SPON1: variants seen among roughly 807,000 people sequenced by gnomAD.
SPON1 encodes the protein spondin-1.
Under a neutral mutation model 111.7 loss-of-function variants are expected in SPON1, and 52 were observed. The observed-to-expected ratio is 0.47, with a 90% CI of 0.37 to 0.59. The LOEUF is 0.59. SPON1 is among the 20% of genes least tolerant of loss of function. The pLI, the probability that SPON1 is intolerant of heterozygous loss-of-function variation, is 0.00. For synonymous variants in SPON1, 410 were observed against 395.8 expected (o/e 1.04, Z -0.43); for missense variants, 957 against 1,068.5 (o/e 0.90, Z 1.46).
intron 5 of SPON1, among the ~76,000 whole-genome samples, chr11:14,123,207 A>G (rs1199124162): frequency 2.0e-5 from 3 of 152,122 alleles, no homozygotes; most frequent in Non-Finnish European, 4.4e-5. Context: ...TGCTGGGATT[A>G]CAGGCATGAG....
intron 7 of SPON1, among the ~76,000 whole-genome samples, chr11:14,251,954 A>G (rs1204324269): frequency 2.0e-5 from 3 of 152,240 alleles, no homozygotes; most frequent in Non-Finnish European, 4.4e-5. Context: ...TCATTGCAAT[A>G]CTTTAGCAGT....
At chr11:14,082,006 G>C (rs1476772420) in intron 5 of SPON1, among the ~76,000 whole-genome samples, 1 of 152,094 alleles carries the variant, frequency 6.6e-6, no homozygotes, top group Non-Finnish European at 1.5e-5. Context: ...TGGACTCTCT[G>C]CCTGGGGGAA....
At chr11:14,052,729 G>A (rs1415688741) in intron 3 of SPON1, among the ~76,000 whole-genome samples, 2 of 152,228 alleles carry the variant, frequency 1.3e-5, no homozygotes, top group Non-Finnish European at 2.9e-5. Context: ...TGGGAGCATG[G>A]CTCCAGGGGA....
chr11:14,265,598 A>G lies in SPON1; in HGVS notation c.2335A>G (p.Met779Val), dbSNP rs782757403. ...CGGAGGTGGAATTCAGGAACGTTAC[A>G]TGACTGTAAAGAAGAGATTCAAAAG... is the stretch of plus-strand genomic sequence containing the variant. ...LCGGGIQERYMTVKKRFKSSQ... is the reference protein window; with the variant it reads ...LCGGGIQERYVTVKKRFKSSQ... The change falls in exon 16 of 16, where the codon ATG (methionine) becomes GTG (valine). Residue 779 changes from methionine (M) to valine (V), a missense_variant. By Grantham distance (21) the Met-to-Val change is conservative. Transcript: ENST00000576479. 8 of 1,613,680 alleles carry G rather than the reference A, an allele frequency of 5.0e-6. No individual in the cohort carries two copies. The African/African-American group carries it at 1.1e-4, about 22-fold the overall frequency.
At chr11:14,157,360 G>T (rs983001060) in intron 6 of SPON1, among the ~76,000 whole-genome samples, 3 of 152,098 alleles carry the variant, frequency 2.0e-5, no homozygotes, top group African/African-American at 7.2e-5. Context: ...GGCATCACTT[G>T]TCTGTCTGTG....
chr11:14,069,739 G>C (rs781953237), intron 3 of SPON1, among the ~76,000 whole-genome samples: 1 of 151,944 alleles, frequency 6.6e-6, no homozygotes, highest in Non-Finnish European at 1.5e-5. Flanking sequence ...TCTCATTTCA[G>C]CTACTGGAAT....
intron 2 of SPON1, among the ~76,000 whole-genome samples, chr11:14,037,691 A>G (rs1428660928): frequency 1.3e-5 from 2 of 152,222 alleles, no homozygotes; most frequent in Non-Finnish European, 2.9e-5. Flanking sequence ...TTTTAAGTAC[A>G]ACACCAAAAG....
Position 14,171,238 on chromosome 11 carries a change from C to G in SPON1, c.825+35670C>G, listed in dbSNP as rs1485789840. Among the ~76,000 whole-genome samples, 25 of 152,058 alleles carry G rather than the reference C, an allele frequency of 1.6e-4. 1 individual carries two copies. The highest frequency in any genetic ancestry group is 7.4e-5 in the Non-Finnish European group (5 of 67,994). On this transcript the variant is annotated intron_variant, in intron 6 of 15. Transcript: ENST00000576479. ...TTAGTCTTGGGAGAGTGTATGTGTC[C>G]AGGAATTTATCCATTTCTTCTAGAT...
chr11:14,129,647 G>A (rs1420160616), intron 5 of SPON1, among the ~76,000 whole-genome samples: 1 of 152,130 alleles, frequency 6.6e-6, no homozygotes, highest in Non-Finnish European at 1.5e-5. Flanking sequence ...TGCTTCCAAA[G>A]TTGCTTCCAC....
rs1358394183 is a variant in SPON1, at chr11:14,138,766, T to C, written c.825+3198T>C. Among the ~76,000 whole-genome samples the C allele has an allele frequency of 2.0e-5, 3 of 152,226 alleles. No individual in the cohort carries two copies. In the East Asian group the frequency reaches 5.8e-4, roughly 29 times the overall value. On this transcript the variant is annotated intron_variant, in intron 6 of 15. Transcript: ENST00000576479. The stretch of plus-strand genomic sequence containing the variant: ...AGTAAGCCCATATTTCTGGCATGTT[T>C]ACTAAGTGTCTGGTTCTCTGCTGGA...
At chr11:13,996,267 A>G (rs1414548186) in intron 2 of SPON1, among the ~76,000 whole-genome samples, 1 of 152,184 alleles carries the variant, frequency 6.6e-6, no homozygotes, top group Admixed American at 6.5e-5. Flanking sequence ...CTGCAGAGCT[A>G]TAATGCACAA....
At chr11:14,003,499 T>C (rs549247838) in intron 2 of SPON1, among the ~76,000 whole-genome samples, 1 of 152,246 alleles carries the variant, frequency 6.6e-6, no homozygotes, top group East Asian at 1.9e-4. Context: ...GATACCTTTG[T>C]CAGTGTCTGG....
intron 5 of SPON1, among the ~76,000 whole-genome samples, chr11:14,083,432 C>T (rs1848980074): frequency 6.6e-6 from 1 of 152,104 alleles, no homozygotes; most frequent in Admixed American, 6.5e-5. Flanking sequence ...TGATCCTACA[C>T]CAGAACTCTG....
chr11:14,054,049 C>A (rs1437002494), intron 3 of SPON1, among the ~76,000 whole-genome samples: 1 of 152,164 alleles, frequency 6.6e-6, no homozygotes, highest in African/African-American at 2.4e-5. Flanking sequence ...CTGCTCACAA[C>A]AAAGAATACC....
At chr11:13,980,292 C>T (rs1464386544) in intron 1 of SPON1, among the ~76,000 whole-genome samples, 2 of 152,184 alleles carry the variant, frequency 1.3e-5, no homozygotes, top group African/African-American at 4.8e-5. Flanking sequence ...CCACCCACCT[C>T]GGCCTCCCAG....
chr11:14,103,040 T>C (rs1490785506), intron 5 of SPON1, among the ~76,000 whole-genome samples: 3 of 152,122 alleles, frequency 2.0e-5, no homozygotes, highest in African/African-American at 7.2e-5. Context: ...TGTGGTGATA[T>C]AAATGTTCTG....
At chr11:14,060,037 A>G (rs1252078907) in intron 3 of SPON1, among the ~76,000 whole-genome samples, 2 of 152,164 alleles carry the variant, frequency 1.3e-5, no homozygotes, top group Non-Finnish European at 2.9e-5. Flanking sequence ...GAGCAAAGGC[A>G]TAGGAAGTAC....
chr11:14,173,045 G>A (rs1340127150), intron 6 of SPON1, among the ~76,000 whole-genome samples: 63 of 151,970 alleles, frequency 4.1e-4, no homozygotes, highest in African/African-American at 5.8e-4. Flanking sequence ...GGCCTGCCTC[G>A]CTAGATTGGG....
intron 5 of SPON1, among the ~76,000 whole-genome samples, chr11:14,092,756 T>A (rs1014622734): frequency 5.3e-5 from 8 of 152,162 alleles, no homozygotes; most frequent in Admixed American, 2.6e-4. Context: ...ACTTCTAATC[T>A]AGTAGTTCTA....
Sources: gnomAD v4.1 joint callset for allele counts (sites outside exome capture counted in the v4.1 genomes callset) on GRCh38, gnomAD v4.1.1 for gene constraint, MANE v1.5 for transcripts, NCBI Gene and HGNC (gene_info 2026-07-23, HGNC 2026-07-21) for gene names.